The following ITGAL variants were observed in gnomAD, a reference collection of about 807,000 sequenced individuals.
ITGAL encodes the protein integrin subunit alpha L.
In ITGAL, 68 loss-of-function variants were observed where a neutral mutation model predicts 138.4. The observed-to-expected ratio is 0.49, with a 90% CI of 0.40 to 0.60. The LOEUF (loss-of-function observed/expected upper bound fraction) is 0.60, where lower values mean the gene tolerates loss of function less well. Ranked by LOEUF, ITGAL falls within the 20% of genes least tolerant of loss-of-function variation. The pLI, the probability that ITGAL is intolerant of heterozygous loss-of-function variation, is 0.00. For missense variants in ITGAL, 1,256 were observed against 1,478.6 expected (o/e 0.85, Z 2.47); for synonymous variants, 561 against 584.3 (o/e 0.96, Z 0.57).
At chr16:30,486,856 T>C (rs908701760) in intron 9 of ITGAL, among the ~76,000 whole-genome samples, 2 of 152,136 alleles carry the variant, frequency 1.3e-5, no homozygotes, top group African/African-American at 2.4e-5. Flanking sequence ...AGTGCAGTAG[T>C]GCGATCACGG....
Position 30,521,650 on chromosome 16 carries a change from T to C in ITGAL, c.3498T>C (p.Gly1166=). The C allele has an allele frequency of 6.2e-7, 1 of 1,613,836 alleles. No individual in the cohort carries two copies. The highest frequency in any genetic ancestry group is 8.5e-7 in the Non-Finnish European group (1 of 1,179,998). The change falls in exon 31 of 31, where the codon GGT becomes GGC. Residue 1166 remains glycine (G), a synonymous_variant. Transcript: ENST00000356798. ...KPLHEKDSES[G]GGKD is the part of the protein sequence containing the mutation. ...TCCATGAGAAGGACTCTGAGAGTGG[T>C]GGTGGCAAGGACTGAGTCCAGGCCT... is the stretch of plus-strand genomic sequence containing the variant.
rs186257950 is a variant in ITGAL at position 30,486,632 on chromosome 16, G to A, written c.1006+2369G>A. ...GAGAAGCACAGGTGCAAGCCCAGGGGCGGGGAAAGGGCTCGGCATGCCAGG... is the reference window on the plus strand; with the variant it reads ...GAGAAGCACAGGTGCAAGCCCAGGGACGGGGAAAGGGCTCGGCATGCCAGG... On this transcript the variant is annotated intron_variant, in intron 9 of 30. Transcript: ENST00000356798. Among the ~76,000 whole-genome samples the A allele has an allele frequency of 3.1e-3, 478 of 152,272 alleles. 5 individuals carry two copies. The highest frequency in any genetic ancestry group is 0.01 in the African/African-American group (427 of 41,566).
chr16:30,498,186 A>G (rs927482616), intron 15 of ITGAL, among the ~76,000 whole-genome samples: 3 of 149,970 alleles, frequency 2.0e-5, no homozygotes, highest in Admixed American at 6.7e-5. Context: ...TTAGCTGGGC[A>G]TGGTGGCATG....
At chr16:30,517,749 C>T (rs371359863) in intron 27 of ITGAL, 44 bp downstream of exon 27, 61 of 1,611,562 alleles carry the variant, frequency 3.8e-5, no homozygotes, top group Non-Finnish European at 5.0e-5. Context: ...GGGCGGTACA[C>T]GGGTCGGAAT....
At chr16:30,474,528 C>A in intron 2 of ITGAL, 1 of 547,350 alleles carries the variant, frequency 1.8e-6, no homozygotes, top group South Asian at 2.1e-5. Flanking sequence ...AGGGAAGGAT[C>A]CCAGCCCCAA....
At chr16:30,506,002 A>G (rs2050986343) in intron 20 of ITGAL, among the ~76,000 whole-genome samples, 1 of 152,306 alleles carries the variant, frequency 6.6e-6, no homozygotes, top group East Asian at 1.9e-4. Context: ...GCTCACGCCT[A>G]TAATCCCAGC....
At chr16:30,496,338 C>G (rs2050800036) in intron 14 of ITGAL, 44 bp downstream of exon 14, 6 of 1,605,768 alleles carry the variant, frequency 3.7e-6, no homozygotes, top group Non-Finnish European at 5.1e-6. Flanking sequence ...CTCAGGTGCC[C>G]TAAGCCCCCA....
intron 15 of ITGAL, among the ~76,000 whole-genome samples, chr16:30,497,297 C>T (rs981408772): frequency 1.3e-5 from 2 of 150,740 alleles, no homozygotes; most frequent in Non-Finnish European, 3.0e-5. Context: ...GAGCCGAGAT[C>T]GCGCCCCTGC....
rs1244810980 is a variant in ITGAL, at chr16:30,479,092, C to G, written c.329C>G (p.Ala110Gly). The stretch of plus-strand genomic sequence containing the variant: ...ATCTTTGGCCTTTGCTTTCTTTAGG[C>G]CTGTGACCCTGGGCTGTCTCGAACG... ...ATDPTDGSIL[A>G]CDPGLSRTCD... Residue 110 changes from alanine to glycine, a missense_variant and splice_region_variant, in exon 5 of 31, where the codon GCC becomes GGC. By Grantham distance (60) the Ala-to-Gly change is moderately conservative. Coordinates refer to ENST00000356798, the MANE Select transcript of ITGAL (RefSeq NM_002209.3). 1.2e-6 allele frequency: 2 copies of G among 1,613,060 alleles called. No homozygotes were observed. The highest frequency in any genetic ancestry group is 1.7e-6 in the Non-Finnish European group (2 of 1,179,498).
At chr16:30,484,075 TG>T in intron 8 of ITGAL, 37 bp from the exon 9 acceptor site, 1 of 1,603,978 alleles carries the variant, frequency 6.2e-7, no homozygotes, top group South Asian at 1.1e-5. Context: ...GACTGAGGTT[TG>T]GGGGATTTCA....
intron 11 of ITGAL, among the ~76,000 whole-genome samples, chr16:30,490,989 G>T (rs1051800258): frequency 6.7e-6 from 1 of 149,540 alleles, no homozygotes; most frequent in Non-Finnish European, 1.5e-5. Context: ...AAAAAAATTA[G>T]TTGGGCATGG....
chr16:30,500,430 G>C (rs888871175), intron 17 of ITGAL, among the ~76,000 whole-genome samples: 4 of 151,950 alleles, frequency 2.6e-5, no homozygotes, highest in African/African-American at 4.8e-5. Flanking sequence ...TGTTGCCCAG[G>C]CTGGACTCTA....
At chr16:30,514,420 G>T (rs1420667942) in intron 25 of ITGAL, among the ~76,000 whole-genome samples, 1 of 152,094 alleles carries the variant, frequency 6.6e-6, no homozygotes, top group Non-Finnish European at 1.5e-5. Flanking sequence ...GGGATTACAG[G>T]CATGTGCCAC....
At chr16:30,516,812 G>A (rs1006488320) in intron 25 of ITGAL, among the ~76,000 whole-genome samples, 161 bp from the exon 26 acceptor site, 24 of 152,208 alleles carry the variant, frequency 1.6e-4, no homozygotes, top group Non-Finnish European at 1.0e-4. Flanking sequence ...CCCTGAGGAC[G>A]GAAGCTGGCC....
intron 13 of ITGAL, among the ~76,000 whole-genome samples, chr16:30,495,311 C>T (rs756301460): frequency 2.0e-5 from 3 of 152,132 alleles, no homozygotes; most frequent in African/African-American, 2.4e-5. Context: ...AGGTGCCTGC[C>T]GCCACACCCA....
At chr16:30,506,617 G>T in intron 20 of ITGAL, 98 bp from the exon 21 acceptor site, 2 of 465,876 alleles carry the variant, frequency 4.3e-6, no homozygotes, top group Non-Finnish European at 3.7e-6. Context: ...AAGATGATTG[G>T]TTTTGATTTA....
intron 25 of ITGAL, among the ~76,000 whole-genome samples, chr16:30,514,113 A>G (rs1366588673): frequency 6.6e-6 from 1 of 152,124 alleles, no homozygotes; most frequent in Non-Finnish European, 1.5e-5. Context: ...TTTTCATAAC[A>G]ACACTGAATG....
At chr16:30,503,961 A>G in intron 17 of ITGAL, 1 of 439,752 alleles carries the variant, frequency 2.3e-6, no homozygotes, top group Non-Finnish European at 4.1e-6. Context: ...TCTGCTGGGG[A>G]ACCGGGGCTC....
At chr16:30,497,744 G>A in intron 15 of ITGAL, among the ~76,000 whole-genome samples, 1 of 151,246 alleles carries the variant, frequency 6.6e-6, no homozygotes, top group Non-Finnish European at 1.5e-5. Flanking sequence ...CTCCCAAAGT[G>A]CTAGGATTAC....
Sources: allele counts gnomAD v4.1 joint callset (sites outside exome capture counted in the v4.1 genomes callset), GRCh38; gene constraint gnomAD v4.1.1; transcripts MANE v1.5; gene names NCBI Gene and HGNC (gene_info 2026-07-23, HGNC 2026-07-21).